FAH: variants seen among roughly 807,000 people sequenced by gnomAD.
FAH encodes the protein fumarylacetoacetate hydrolase, also known as fumarylacetoacetase.
In FAH, 47 loss-of-function variants were observed where a neutral mutation model predicts 55.8. That is an observed-to-expected ratio of 0.84 (90% CI 0.67 to 1.07). FAH has a LOEUF of 1.07. Among genes scored for constraint, FAH ranks in the 50% least tolerant of loss-of-function variants. FAH has a pLI of 0.00. For synonymous variants in FAH, 199 were observed against 207.7 expected, an observed-to-expected ratio of 0.96 and a Z score of 0.36; for missense variants, 495 against 545.9, an observed-to-expected ratio of 0.91 and a Z score of 0.93.
chr15:80,183,220 A>G (rs2041344419), intron 13 of FAH, among the ~76,000 whole-genome samples: 1 of 152,244 alleles, frequency 6.6e-6, no homozygotes, highest in Non-Finnish European at 1.5e-5. Context: ...GAAGAGGGAA[A>G]TGGGAACAGA....
chr15:80,161,271 GTTTTTTT>G (rs1185001944), intron 4 of FAH, among the ~76,000 whole-genome samples: 3 of 138,264 alleles, frequency 2.2e-5, no homozygotes, highest in Admixed American at 2.2e-4. Flanking sequence ...GCCCTTTCTT[GTTTTTTT>G]TTTTTTTTGT....
chr15:80,185,657 C>CA (rs1194843455), intron 13 of FAH, among the ~76,000 whole-genome samples: 3 of 152,132 alleles, frequency 2.0e-5, no homozygotes, highest in Non-Finnish European at 4.4e-5. Context: ...TGGTGGCAGG[C>CA]AAGAGAGAAT....
intron 7 of FAH, chr15:80,168,519 T>A: frequency 3.3e-6 from 2 of 614,686 alleles, no homozygotes; most frequent in South Asian, 3.8e-5. Flanking sequence ...TCACAACTAC[T>A]TGCTAATATT....
intron 2 of FAH, 31 bp from the exon 3 acceptor site, chr15:80,159,725 G>A (rs750111883): frequency 1.8e-5 from 29 of 1,614,090 alleles, no homozygotes; most frequent in Non-Finnish European, 2.3e-5. Context: ...TTTCCTGTAC[G>A]TGATCTTTTT....
chr15:80,175,864 G>T (rs1287817070), intron 10 of FAH, among the ~76,000 whole-genome samples: 1 of 152,220 alleles, frequency 6.6e-6, no homozygotes, highest in Non-Finnish European at 1.5e-5. Flanking sequence ...CTGGGACAGG[G>T]TCTGTACCTA....
At chr15:80,171,940 T>C (rs2041244445) in intron 7 of FAH, among the ~76,000 whole-genome samples, 1 of 152,132 alleles carries the variant, frequency 6.6e-6, no homozygotes, top group South Asian at 2.1e-4. Context: ...GGAAGGCCGA[T>C]GGCGGGGGCA....
intron 8 of FAH, 90 bp from the exon 9 acceptor site, chr15:80,172,924 G>A: frequency 6.4e-7 from 1 of 1,565,126 alleles, no homozygotes; most frequent in South Asian, 1.1e-5. Flanking sequence ...AGTGCTAGGT[G>A]TCTCTGCTCC....
intron 10 of FAH, 51 bp from the exon 11 acceptor site, chr15:80,177,486 C>T (rs1171833712): frequency 6.8e-7 from 1 of 1,472,016 alleles, no homozygotes; most frequent in Admixed American, 1.7e-5. Flanking sequence ...TTATTTTCCT[C>T]CCTGATGCAT....
rs76197283 is a variant in FAH at position 80,182,532 on chromosome 15, C to G, written c.1180+1373C>G. ...ACCCATTTTGCTCCCATTTCTGCAG[C>G]CTAATTATACCTCTCTAATTTGAAT... is the stretch of plus-strand genomic sequence containing the variant. On this transcript the variant is annotated intron_variant, in intron 13 of 13. Coordinates refer to ENST00000561421, the MANE Select transcript of FAH (RefSeq NM_000137.4). 8.7e-3 allele frequency among the ~76,000 whole-genome samples: 1,318 copies of G among 152,304 alleles called. 19 individuals carry two copies. Among genetic ancestry groups the G allele is most frequent in the African/African-American group, 0.03 (1,229 of 41,558 alleles).
chr15:80,162,405 T>C (rs1032113575), intron 5 of FAH, 69 bp downstream of exon 5: 1 of 1,338,922 alleles, frequency 7.5e-7, no homozygotes, highest in Non-Finnish European at 1.1e-6. Context: ...CATATTTGTC[T>C]CAGGAGCTGC....
At chr15:80,174,951 G>A (rs916020765) in intron 9 of FAH, 65 bp from the exon 10 acceptor site, 48 of 1,420,246 alleles carry the variant, frequency 3.4e-5, no homozygotes, top group Non-Finnish European at 4.5e-5. Flanking sequence ...GGCTGGTATG[G>A]GGGCCCAGCC....
Position 80,159,814 on chromosome 15 carries a change from T to C in FAH, c.251T>C (p.Phe84Ser), listed in dbSNP as rs771205853. Residue 84 changes from phenylalanine to serine, a missense_variant, in exon 3 of 14, where the codon TTC becomes TCC. Phe to Ser is a radical substitution (Grantham distance 155). Coordinates refer to ENST00000561421, the MANE Select transcript of FAH (RefSeq NM_000137.4). ...GQAAWKEARV[F>S]LQNLLSVSQA... ...GCTGCCTGGAAGGAGGCGAGAGTGTTCTTGCAGAACTTGCTGTCTGTGAGC... is the reference window on the plus strand; with the variant it reads ...GCTGCCTGGAAGGAGGCGAGAGTGTCCTTGCAGAACTTGCTGTCTGTGAGC... 1 of 1,614,190 alleles carries C rather than the reference T, an allele frequency of 6.2e-7. No individual in the cohort carries two copies. Among genetic ancestry groups the C allele is most frequent in the South Asian group, 1.1e-5 (1 of 91,088 alleles).
intron 1 of FAH, 110 bp downstream of exon 1, chr15:80,153,245 T>C (rs2041069260): frequency 8.1e-6 from 7 of 867,666 alleles, no homozygotes; most frequent in Non-Finnish European, 1.3e-5. Flanking sequence ...GGATGGAGGC[T>C]TGTGCCATTT....
chr15:80,159,679 C>T, intron 2 of FAH, 77 bp from the exon 3 acceptor site: 6 of 1,579,224 alleles, frequency 3.8e-6, no homozygotes, highest in Non-Finnish European at 5.2e-6. Flanking sequence ...GGCAGGCTGG[C>T]TGGCCTTCCA....
At position 80,186,244 on chromosome 15, in the gene FAH, AGC is replaced by A; in HGVS notation, c.*36_*37del. ...TGCTCTTCTGGAAACAAAGGGCTCAAGCACCCCTTTCAACCCTGTGACTGGGG... is the reference window on the plus strand; with the variant it reads ...TGCTCTTCTGGAAACAAAGGGCTCAAACCCCTTTCAACCCTGTGACTGGGG... On this transcript the variant is annotated 3_prime_UTR_variant, in exon 14 of 14. Transcript: ENST00000561421. The A allele has an allele frequency of 1.3e-6, 2 of 1,550,040 alleles. No individual in the cohort carries two copies. The highest frequency in any genetic ancestry group is 1.8e-6 in the Non-Finnish European group (2 of 1,122,502).
chr15:80,179,325 A>G (rs1461016846), intron 11 of FAH, among the ~76,000 whole-genome samples: 1 of 152,220 alleles, frequency 6.6e-6, no homozygotes, highest in Admixed American at 6.5e-5. Flanking sequence ...TGAATCATTG[A>G]ACTATTTCTA....
chr15:80,168,080 C>G lies in FAH; in HGVS notation c.484C>G (p.Arg162Gly). 3 of 1,614,120 alleles carry G rather than the reference C, an allele frequency of 1.9e-6. No homozygotes were observed. Among genetic ancestry groups the G allele is most frequent in the Non-Finnish European group, 2.5e-6 (3 of 1,180,020 alleles). Residue 162 changes from arginine to glycine, a missense_variant, in exon 6 of 14, where the codon CGT (arginine) becomes GGT (glycine). Coordinates refer to ENST00000561421, the MANE Select transcript of FAH (RefSeq NM_000137.4). ...WLHLPVGYHG[R>G]ASSVVVSGTP... ...GCACTTACCAGTGGGCTACCATGGC[C>G]GTGCCTCCTCTGTCGTGGTGTCTGG...
At chr15:80,160,035 G>A (rs189358941) in intron 3 of FAH, 158 bp downstream of exon 3, 2 of 1,025,574 alleles carry the variant, frequency 2.0e-6, no homozygotes, top group African/African-American at 3.2e-5. Context: ...CCTATTGATG[G>A]GAGGGCTTTG....
At chr15:80,167,482 A>G (rs1344573538) in intron 5 of FAH, among the ~76,000 whole-genome samples, 1 of 150,994 alleles carries the variant, frequency 6.6e-6, no homozygotes, top group Non-Finnish European at 1.5e-5. Context: ...CAAAATTCTT[A>G]ACTTGATTAC....
Sources: allele counts gnomAD v4.1 joint callset (sites outside exome capture counted in the v4.1 genomes callset), GRCh38; gene constraint gnomAD v4.1.1; transcripts MANE v1.5; gene names NCBI Gene and HGNC (gene_info 2026-07-23, HGNC 2026-07-21).